Variants in MYO5C observed in about 807,000 individuals in gnomAD.
MYO5C encodes the protein unconventional myosin-Vc.
A neutral mutation model predicts 235.7 loss-of-function variants in MYO5C; 194 were observed. That is an observed-to-expected ratio of 0.82 (90% CI 0.73 to 0.93). The LOEUF (loss-of-function observed/expected upper bound fraction) is 0.93, where lower values mean the gene tolerates loss of function less well. Among genes scored for constraint, MYO5C ranks in the 40% least tolerant of loss-of-function variants. The probability of loss-of-function intolerance (pLI) is 0.00; values close to 1 mark genes in which losing one functional copy is unlikely to be tolerated. For synonymous variants in MYO5C, 707 were observed against 754.8 expected (o/e 0.94, Z 1.04); for missense variants, 2,038 against 2,127.2 (o/e 0.96, Z 0.82).
In MYO5C at chr15:52,295,599, G is replaced by A. The variant is rs1219847989; in HGVS notation, c.27+11C>T. On this transcript the variant is annotated intron_variant, in intron 1 of 40. Coordinates refer to ENST00000261839, the MANE Select transcript of MYO5C (RefSeq NM_018728.4). ...CCACAGCGCTCCCAGGAGCCCAGCG[G>A]ACCCTCCTACCTGCGTGTACAGCTC... 1.3e-6 allele frequency: 2 copies of A among 1,499,512 alleles called. No homozygotes were observed. The highest frequency in any genetic ancestry group is 2.5e-5 in the South Asian group (2 of 79,302). 92.9% of individuals were successfully genotyped at this position (1,499,512 alleles called of 1,614,324 possible).
intron 9 of MYO5C, 88 bp from the exon 10 acceptor site, chr15:52,261,215 C>T (rs2036688878): frequency 1.4e-6 from 2 of 1,477,550 alleles, no homozygotes; most frequent in Admixed American, 4.0e-5. Context: ...TGCCCACACT[C>T]AGGCCTGTGC....
At chr15:52,254,528 C>T (rs1372503684) in intron 11 of MYO5C, among the ~76,000 whole-genome samples, 1 of 152,022 alleles carries the variant, frequency 6.6e-6, no homozygotes, top group Non-Finnish European at 1.5e-5. Flanking sequence ...CAGTGGCAGC[C>T]AGAAGAGGGG....
intron 9 of MYO5C, among the ~76,000 whole-genome samples, chr15:52,261,560 G>T (rs561179353): frequency 2.0e-5 from 3 of 152,344 alleles, no homozygotes; most frequent in East Asian, 3.9e-4. Flanking sequence ...GTGGCCAGGG[G>T]TTTGCCTGGA....
intron 26 of MYO5C, 148 bp from the exon 27 acceptor site, chr15:52,225,286 G>T: frequency 3.7e-6 from 4 of 1,069,000 alleles, no homozygotes; most frequent in Non-Finnish European, 4.2e-6. Flanking sequence ...CAATCTTCCA[G>T]GTATTCAACC....
At chr15:52,233,315 T>TAAAAAAAAAAAAAAAAA (rs142248037) in intron 23 of MYO5C, among the ~76,000 whole-genome samples, 1 of 32,678 alleles carries the variant, frequency 3.1e-5, no homozygotes, top group African/African-American at 5.6e-5. Flanking sequence ...AAAAAAAAAA[T>TAAAAAAAAAAAAAAAAA]AAATAAATAA....
intron 13 of MYO5C, among the ~76,000 whole-genome samples, chr15:52,250,828 G>C (rs891172329): frequency 3.3e-5 from 5 of 152,142 alleles, no homozygotes; most frequent in Non-Finnish European, 5.9e-5. Context: ...GGTGGTTATG[G>C]CAATTTTTTC....
At chr15:52,214,445 C>G (rs1273212315) in intron 33 of MYO5C, among the ~76,000 whole-genome samples, 158 bp downstream of exon 33, 1 of 152,146 alleles carries the variant, frequency 6.6e-6, no homozygotes, top group African/African-American at 2.4e-5. Context: ...CTTCCTGACC[C>G]AAAGGATCCT....
intron 5 of MYO5C, among the ~76,000 whole-genome samples, chr15:52,274,350 C>T (rs2036991959): frequency 6.6e-6 from 1 of 152,188 alleles, no homozygotes; most frequent in Non-Finnish European, 1.5e-5. Context: ...GCAATCTTGG[C>T]TCACTGCAAC....
intron 7 of MYO5C, 114 bp downstream of exon 7, chr15:52,271,649 C>T (rs1393990303): frequency 6.8e-6 from 4 of 589,070 alleles, no homozygotes; most frequent in Non-Finnish European, 1.1e-5. Flanking sequence ...ACCAAAGAAT[C>T]TTGTATCTTT....
At chr15:52,232,167 G>A (rs112166333) in intron 24 of MYO5C, among the ~76,000 whole-genome samples, 12 of 17,452 alleles carry the variant, frequency 6.9e-4, no homozygotes, top group African/African-American at 1.2e-3. Flanking sequence ...GAAAGGAAGG[G>A]AAGGAAGGGA....
At chr15:52,245,092 T>C (rs2036308902) in intron 18 of MYO5C, among the ~76,000 whole-genome samples, 1 of 152,220 alleles carries the variant, frequency 6.6e-6, no homozygotes, top group African/African-American at 2.4e-5. Flanking sequence ...CACAGAGGAC[T>C]GGGTTAGATC....
At chr15:52,286,242 G>A (rs2037266854) in intron 1 of MYO5C, among the ~76,000 whole-genome samples, 1 of 150,638 alleles carries the variant, frequency 6.6e-6, no homozygotes, top group African/African-American at 2.4e-5. Flanking sequence ...CCCCCGCCAG[G>A]CCAGCCGCCT....
At position 52,225,502 on chromosome 15, in the gene MYO5C, G is replaced by C. The variant is rs1398820136; in HGVS notation, c.3238C>G (p.Leu1080Val). The C allele has an allele frequency of 6.2e-7, 1 of 1,613,384 alleles. No homozygotes were observed. Among genetic ancestry groups the C allele is most frequent in the African/African-American group, 1.3e-5 (1 of 74,912 alleles). The change falls in exon 26 of 41, where the codon CTA becomes GTA. Residue 1080 changes from leucine to valine, a missense_variant. Leu to Val is a conservative substitution (Grantham distance 32). Transcript: ENST00000261839. ...TISEFEKEIE[L>V]LQAQKIDVEK... Reference sequence around the variant, plus strand: ...ACATCTATCTTCTGTGCCTGAAGTAGTTCTATCTCTTTTTCGAACTCAGAG... The same window carrying C: ...ACATCTATCTTCTGTGCCTGAAGTACTTCTATCTCTTTTTCGAACTCAGAG...
intron 24 of MYO5C, among the ~76,000 whole-genome samples, chr15:52,230,356 C>T (rs1028996074): frequency 6.6e-6 from 1 of 151,998 alleles, no homozygotes; most frequent in African/African-American, 2.4e-5. Context: ...GGGAAAAACT[C>T]TGAGAAAGAG....
intron 1 of MYO5C, among the ~76,000 whole-genome samples, chr15:52,295,160 C>T (rs1279391171): frequency 2.0e-5 from 3 of 152,144 alleles, no homozygotes; most frequent in Non-Finnish European, 2.9e-5. Context: ...GACTGGCCGG[C>T]GTCTCAGCTT....
intron 2 of MYO5C, among the ~76,000 whole-genome samples, chr15:52,282,571 G>A (rs999443171): frequency 2.0e-4 from 31 of 152,168 alleles, no homozygotes; most frequent in African/African-American, 7.0e-4. Context: ...AGAGAGGCCC[G>A]GTGGATGCAG....
chr15:52,281,332 T>C (rs919307107), intron 2 of MYO5C, among the ~76,000 whole-genome samples: 1 of 152,244 alleles, frequency 6.6e-6, no homozygotes, highest in Non-Finnish European at 1.5e-5. Context: ...GAGGTCTGGC[T>C]GCCCGCCATC....
intron 1 of MYO5C, among the ~76,000 whole-genome samples, chr15:52,291,731 G>GTT (rs1196328559): frequency 0.012 from 634 of 52,514 alleles, 113 homozygotes; most frequent in African/African-American, 0.044. Flanking sequence ...CATATTTTAT[G>GTT]TTTTTTTTTT....
intron 32 of MYO5C, among the ~76,000 whole-genome samples, chr15:52,215,600 T>C (rs1440544863): frequency 6.6e-6 from 1 of 152,144 alleles, no homozygotes; most frequent in Non-Finnish European, 1.5e-5. Context: ...CTATTGACCT[T>C]AGAAGTGGCG....
Sources: gnomAD v4.1 joint callset for allele counts (sites outside exome capture counted in the v4.1 genomes callset) on GRCh38, gnomAD v4.1.1 for gene constraint, MANE v1.5 for transcripts, NCBI Gene and HGNC (gene_info 2026-07-23, HGNC 2026-07-21) for gene names.